PPP4R3B: variants seen among roughly 807,000 people sequenced by gnomAD.
The protein encoded by PPP4R3B is serine/threonine-protein phosphatase 4 regulatory subunit 3B.
A neutral mutation model predicts 95.4 loss-of-function variants in PPP4R3B; 52 were observed. That is an observed-to-expected ratio of 0.54 (90% CI 0.44 to 0.69). PPP4R3B has a LOEUF of 0.69. PPP4R3B is among the 30% of genes least tolerant of loss of function. PPP4R3B has a pLI of 0.00. For missense variants in PPP4R3B, 1,003 were observed against 1,005.9 expected (o/e 1.00, Z 0.04); for synonymous variants, 407 against 343.9 (o/e 1.18, Z -2.03).
At chr2:55,611,856 G>A (rs1694208986) in intron 2 of PPP4R3B, among the ~76,000 whole-genome samples, 2 of 152,178 alleles carry the variant, frequency 1.3e-5, no homozygotes, top group Non-Finnish European at 2.9e-5. Context: ...ACCTCCAGAA[G>A]TAGCTGGCAC....
intron 4 of PPP4R3B, among the ~76,000 whole-genome samples, chr2:55,594,229 G>C (rs951455876): frequency 3.4e-5 from 5 of 148,408 alleles, no homozygotes; most frequent in African/African-American, 1.2e-4. Context: ...GGGTACACTA[G>C]AAGCCCAATC....
At chr2:55,588,449 G>T (rs1168736752) in intron 5 of PPP4R3B, among the ~76,000 whole-genome samples, 1 of 151,036 alleles carries the variant, frequency 6.6e-6, no homozygotes, top group African/African-American at 2.4e-5. Flanking sequence ...GGAGGCAGAG[G>T]TTGTGGTGAG....
At chr2:55,608,965 C>A (rs545151021) in intron 2 of PPP4R3B, among the ~76,000 whole-genome samples, 3 of 152,130 alleles carry the variant, frequency 2.0e-5, no homozygotes, top group African/African-American at 7.2e-5. Context: ...GGGAGACAGT[C>A]TCATCTCAAA....
At chr2:55,603,484 C>A (rs1449628619) in intron 3 of PPP4R3B, among the ~76,000 whole-genome samples, 1 of 152,050 alleles carries the variant, frequency 6.6e-6, no homozygotes, top group African/African-American at 2.4e-5. Flanking sequence ...TAAAACTGTC[C>A]TAAAACAAAA....
rs192292316 is a variant in PPP4R3B, at chr2:55,548,403, T to G, written c.*1508A>C. The G allele has an allele frequency of 4.4e-4, 67 of 152,782 alleles. No individual in the cohort carries two copies. Among genetic ancestry groups the G allele is most frequent in the African/African-American group, 1.6e-3 (65 of 41,576 alleles). The allele number at this position is 152,782 out of a possible 1,614,324, so 9.5% of individuals were successfully genotyped here. ...TGGAATTACAGGGTCACATTTTAAT[T>G]CCTGAATTTTACAGTTTAGCATTAA... On this transcript the variant is annotated 3_prime_UTR_variant, in exon 17 of 17. Transcript: ENST00000616407.
chr2:55,570,011 T>C (rs142147072), intron 12 of PPP4R3B, among the ~76,000 whole-genome samples: 1 of 152,080 alleles, frequency 6.6e-6, no homozygotes, highest in Non-Finnish European at 1.5e-5. Flanking sequence ...AAAAAAACAT[T>C]TGTGCTGAGG....
rs751732082 is a variant in PPP4R3B, at chr2:55,598,636, T to C, written c.701A>G (p.Gln234Arg). 9.9e-6 allele frequency: 16 copies of C among 1,614,208 alleles called. No homozygotes were observed. Among genetic ancestry groups the C allele is most frequent in the Non-Finnish European group, 1.4e-5 (16 of 1,180,032 alleles). Reference protein sequence around the residue: ...GCLEYDPALAQPKRHREFLTK... With the variant: ...GCLEYDPALARPKRHREFLTK... ...CAAGAATTCTCTATGTCTTTTTGGC[T>C]GAGCCAAAGCAGGGTCATATTCAAG... Residue 234 changes from glutamine to arginine, a missense_variant, in exon 4 of 17, where the codon CAG (glutamine) becomes CGG (arginine). Around this residue, in one of 3 missense-constraint regions of PPP4R3B, gnomAD observed 695 missense variants for 686.2 expected, o/e 1.01. Transcript: ENST00000616407.
chr2:55,609,087 A>T (rs1463559665), intron 2 of PPP4R3B, among the ~76,000 whole-genome samples: 1 of 152,078 alleles, frequency 6.6e-6, no homozygotes, highest in Admixed American at 6.5e-5. Context: ...GATCAACAAG[A>T]CTCAGTCTTG....
rs555740596 is a variant in PPP4R3B at position 55,612,815 on chromosome 2, G to A, written c.198+2636C>T. Among the ~76,000 whole-genome samples, 13 of 152,122 alleles carry A rather than the reference G, an allele frequency of 8.5e-5. No individual in the cohort carries two copies. In the East Asian group the frequency reaches 2.5e-3, roughly 29 times the overall value. On this transcript the variant is annotated intron_variant, in intron 2 of 16. Transcript: ENST00000616407. ...AAAAAAATTAACTGGGCGTGGTGGC[G>A]GGCGCCTGTAGTCCCAACTACTTGG...
At chr2:55,568,815 G>T (rs1391612637) in intron 12 of PPP4R3B, among the ~76,000 whole-genome samples, 1 of 152,186 alleles carries the variant, frequency 6.6e-6, no homozygotes, top group Non-Finnish European at 1.5e-5. Context: ...ACAGGAGTGG[G>T]CAACCCACCA....
chr2:55,566,814 C>T (rs966027552), intron 13 of PPP4R3B, among the ~76,000 whole-genome samples: 3 of 152,074 alleles, frequency 2.0e-5, no homozygotes, highest in Non-Finnish European at 4.4e-5. Flanking sequence ...TGAGACCAGC[C>T]TGGGCAACAA....
chr2:55,572,112 T>C (rs931417437), intron 12 of PPP4R3B, among the ~76,000 whole-genome samples: 2 of 152,166 alleles, frequency 1.3e-5, no homozygotes, highest in African/African-American at 4.8e-5. Context: ...ACACTCTCAT[T>C]TCAAAGTATA....
At chr2:55,587,565 C>A (rs919004433) in intron 5 of PPP4R3B, among the ~76,000 whole-genome samples, 1 of 152,198 alleles carries the variant, frequency 6.6e-6, no homozygotes, top group African/African-American at 2.4e-5. Context: ...GTCTGGGCAA[C>A]AGAGCAAGAC....
At chr2:55,554,413 A>G (rs1279383532) in intron 16 of PPP4R3B, among the ~76,000 whole-genome samples, 2 of 152,056 alleles carry the variant, frequency 1.3e-5, no homozygotes, top group East Asian at 3.9e-4. Context: ...TCTTACCAAC[A>G]CTTGTTTTTG....
intron 12 of PPP4R3B, among the ~76,000 whole-genome samples, chr2:55,573,333 T>C (rs574555504): frequency 1.3e-5 from 2 of 152,096 alleles, no homozygotes; most frequent in African/African-American, 2.4e-5. Flanking sequence ...TTTGATGAAG[T>C]AGATGTAAAA....
intron 7 of PPP4R3B, among the ~76,000 whole-genome samples, chr2:55,583,932 A>C (rs1018681151): frequency 1.3e-4 from 20 of 152,214 alleles, no homozygotes; most frequent in Admixed American, 8.5e-4. Flanking sequence ...TGGATCGCAC[A>C]TGGTGGCTCA....
intron 2 of PPP4R3B, among the ~76,000 whole-genome samples, chr2:55,609,116 A>G (rs549632417): frequency 6.6e-6 from 1 of 152,304 alleles, no homozygotes; most frequent in East Asian, 1.9e-4. Flanking sequence ...TCTTTTCTCA[A>G]TTTATAGCTA....
chr2:55,578,084 C>T (rs538902882), intron 10 of PPP4R3B, among the ~76,000 whole-genome samples, 163 bp downstream of exon 10: 20 of 151,938 alleles, frequency 1.3e-4, no homozygotes, highest in East Asian at 3.9e-4. Context: ...GGTATCAATA[C>T]GAATAGATCT....
intron 2 of PPP4R3B, 82 bp from the exon 3 acceptor site, chr2:55,604,158 AAAC>A: frequency 9.7e-7 from 1 of 1,026,024 alleles, no homozygotes; most frequent in Non-Finnish European, 1.4e-6. Context: ...AGAGGACTGG[AAAC>A]AACACAGCAA....
Sources: allele counts gnomAD v4.1 joint callset (sites outside exome capture counted in the v4.1 genomes callset), GRCh38; gene constraint gnomAD v4.1.1; regional missense constraint gnomAD v4.1.1; transcripts MANE v1.5; gene names NCBI Gene and HGNC (gene_info 2026-07-23, HGNC 2026-07-21).